Variants in SVIL observed in about 807,000 individuals in gnomAD.
SVIL encodes archvillin.
A neutral mutation model predicts 240.4 loss-of-function variants in SVIL; 101 were observed. The observed-to-expected ratio is 0.42, with a 90% CI of 0.36 to 0.50. SVIL has a LOEUF of 0.50. SVIL is among the 20% of genes least tolerant of loss of function. The pLI, the probability that SVIL is intolerant of heterozygous loss-of-function variation, is 0.01. For missense variants in SVIL, 2,512 were observed against 2,818.7 expected (o/e 0.89, Z 2.46); for synonymous variants, 999 against 1,100.0 (o/e 0.91, Z 1.82).
chr10:29,646,097 T>C (rs1458930117), intron 3 of SVIL, among the ~76,000 whole-genome samples: 2 of 152,150 alleles, frequency 1.3e-5, no homozygotes, highest in African/African-American at 2.4e-5. Context: ...GCCTAGGATA[T>C]ATTAAGTGCT....
chr10:29,576,796 T>A (rs1955715062), intron 1 of SVIL, among the ~76,000 whole-genome samples: 1 of 152,262 alleles, frequency 6.6e-6, no homozygotes, highest in South Asian at 2.1e-4. Context: ...TCCTCCTGCC[T>A]TGGCTTCACA....
intron 3 of SVIL, among the ~76,000 whole-genome samples, chr10:29,560,369 G>A (rs1954343693): frequency 6.6e-6 from 1 of 152,236 alleles, no homozygotes; most frequent in African/African-American, 2.4e-5. Context: ...TAAATGATAG[G>A]ATTGCATGGA....
intron 1 of SVIL, among the ~76,000 whole-genome samples, chr10:29,690,078 T>G (rs548065741): frequency 1.3e-5 from 2 of 152,202 alleles, no homozygotes; most frequent in Non-Finnish European, 2.9e-5. Flanking sequence ...GACCAAGACC[T>G]TGAATATCTT....
intron 13 of SVIL, 23 bp downstream of exon 13, chr10:29,526,938 A>G (rs1363612548): frequency 3.9e-6 from 6 of 1,529,502 alleles, no homozygotes; most frequent in African/African-American, 2.8e-5. Context: ...CGGGTGCCGC[A>G]TGCATCTGTA....
intron 6 of SVIL, among the ~76,000 whole-genome samples, chr10:29,543,229 A>G (rs574571300): frequency 6.6e-6 from 1 of 152,330 alleles, no homozygotes; most frequent in Non-Finnish European, 1.5e-5. Context: ...GAGAGAAGTT[A>G]CCAAAACACA....
chr10:29,715,116 A>C (rs1963539832), intron 1 of SVIL, among the ~76,000 whole-genome samples: 1 of 152,172 alleles, frequency 6.6e-6, no homozygotes, highest in African/African-American at 2.4e-5. Context: ...AAACGGTCAG[A>C]ATATAAATTG....
intron 6 of SVIL, among the ~76,000 whole-genome samples, chr10:29,538,083 C>T (rs1951866266): frequency 6.6e-6 from 1 of 152,210 alleles, no homozygotes; most frequent in Admixed American, 6.5e-5. Flanking sequence ...CAGACGCCTG[C>T]TGTTGGAAAT....
intron 1 of SVIL, among the ~76,000 whole-genome samples, chr10:29,706,790 C>G (rs1170468381): frequency 6.6e-6 from 1 of 152,146 alleles, no homozygotes; most frequent in Non-Finnish European, 1.5e-5. Context: ...TTTAAGTCTT[C>G]AATCCATCAT....
chr10:29,488,460 T>C, intron 23 of SVIL, 141 bp downstream of exon 23: 2 of 992,566 alleles, frequency 2.0e-6, no homozygotes, highest in Non-Finnish European at 1.4e-6. Flanking sequence ...GGAGGTTGCA[T>C]AGCAAGGAAC....
At chr10:29,711,693 G>C (rs1317044331) in intron 1 of SVIL, among the ~76,000 whole-genome samples, 1 of 151,874 alleles carries the variant, frequency 6.6e-6, no homozygotes, top group Non-Finnish European at 1.5e-5. Context: ...TCGGGAGGTA[G>C]AGGTTGCAGT....
chr10:29,661,360 G>C (rs182668339), intron 2 of SVIL, among the ~76,000 whole-genome samples: 1 of 152,224 alleles, frequency 6.6e-6, no homozygotes, highest in African/African-American at 2.4e-5. Context: ...ATACAAACAG[G>C]AAAAGGTCCA....
At chr10:29,695,421 T>C (rs1025860571) in intron 1 of SVIL, among the ~76,000 whole-genome samples, 1 of 152,140 alleles carries the variant, frequency 6.6e-6, no homozygotes, top group Non-Finnish European at 1.5e-5. Flanking sequence ...AAAAACCATT[T>C]GTATCCCTAA....
At chr10:29,458,964 G>C (rs1056734121) in intron 36 of SVIL, among the ~76,000 whole-genome samples, 4 of 150,848 alleles carry the variant, frequency 2.7e-5, no homozygotes, top group Non-Finnish European at 5.9e-5. Flanking sequence ...GCATCACCAG[G>C]CCTGGCTAAT....
At chr10:29,724,174 T>G (rs7089445) in intron 1 of SVIL, among the ~76,000 whole-genome samples, 93,775 of 147,348 alleles carry the variant, frequency 0.64, 30,375 homozygotes, top group Non-Finnish European at 0.7. Context: ...AGTTTTTTGT[T>G]TTCTCTCTTT....
At chr10:29,495,909 G>A (rs144727316) in intron 18 of SVIL, among the ~76,000 whole-genome samples, 3 of 152,142 alleles carry the variant, frequency 2.0e-5, no homozygotes, top group Admixed American at 2.0e-4. Context: ...GATGAGTATC[G>A]CTTCCCTAAT....
chr10:29,531,226 A>G (rs1222073699), intron 10 of SVIL, 28 bp downstream of exon 10: 1 of 1,612,042 alleles, frequency 6.2e-7, no homozygotes, highest in Non-Finnish European at 8.5e-7. Flanking sequence ...GATAATAAAG[A>G]AGAAAAAAAA....
chr10:29,706,722 G>A (rs924190778), intron 1 of SVIL, among the ~76,000 whole-genome samples: 4 of 152,134 alleles, frequency 2.6e-5, no homozygotes, highest in Non-Finnish European at 5.9e-5. Context: ...CCATGTCTAT[G>A]TCCTGAATGG....
At chr10:29,527,112 C>T in intron 12 of SVIL, 56 bp from the exon 13 acceptor site, 1 of 1,432,354 alleles carries the variant, frequency 7.0e-7, no homozygotes, top group Admixed American at 1.8e-5. Context: ...AGAAAAGAAG[C>T]ATTAAGGACA....
chr10:29,563,678 T>C (rs1977387), intron 2 of SVIL, among the ~76,000 whole-genome samples: 63,716 of 139,574 alleles, frequency 0.46, 12,826 homozygotes, highest in African/African-American at 0.49. Flanking sequence ...CAGTAACTTG[T>C]CTAGGTGATC....
Sources: allele counts gnomAD v4.1 joint callset (sites outside exome capture counted in the v4.1 genomes callset), GRCh38; gene constraint gnomAD v4.1.1; transcripts MANE v1.5; gene names NCBI Gene and HGNC (gene_info 2026-07-23, HGNC 2026-07-21).